COG5: variants seen among roughly 807,000 people sequenced by gnomAD.
COG5 encodes conserved oligomeric Golgi complex subunit 5.
Under a neutral mutation model 110.4 loss-of-function variants are expected in COG5, and 86 were observed. The observed-to-expected ratio is 0.78, with a 90% CI of 0.65 to 0.93. The LOEUF is 0.93. Ranked by LOEUF, COG5 falls within the 40% of genes least tolerant of loss-of-function variation. The pLI is 0.00. For missense variants in COG5, 1,077 were observed against 987.0 expected (o/e 1.09, Z -1.22); for synonymous variants, 360 against 334.6 (o/e 1.08, Z -0.83).
chr7:107,239,140 T>C (rs190778129), intron 17 of COG5, among the ~76,000 whole-genome samples: 4 of 152,234 alleles, frequency 2.6e-5, no homozygotes, highest in Admixed American at 2.6e-4. Context: ...TTTTCACATA[T>C]GGTATGAGAT....
intron 14 of COG5, among the ~76,000 whole-genome samples, chr7:107,272,387 A>C (rs939376170): frequency 2.0e-5 from 3 of 152,116 alleles, no homozygotes; most frequent in Admixed American, 6.5e-5. Context: ...TTCATCTTAC[A>C]TATGTTGATT....
intron 12 of COG5, among the ~76,000 whole-genome samples, chr7:107,291,769 C>T (rs1475452710): frequency 1.3e-5 from 2 of 152,186 alleles, no homozygotes; most frequent in Non-Finnish European, 2.9e-5. Flanking sequence ...GATATCTGCT[C>T]TGATTCCAGG....
intron 1 of COG5, among the ~76,000 whole-genome samples, chr7:107,562,024 G>C (rs1033996469): frequency 1.4e-4 from 21 of 152,156 alleles, no homozygotes; most frequent in Admixed American, 1.3e-4. Flanking sequence ...CTCCACTTCC[G>C]TTGCAATTGA....
chr7:107,523,956 G>A (rs1171835820), intron 6 of COG5, among the ~76,000 whole-genome samples: 1 of 152,012 alleles, frequency 6.6e-6, no homozygotes, highest in African/African-American at 2.4e-5. Flanking sequence ...GAAATGAAAG[G>A]ATATGTTCCT....
At chr7:107,367,664 T>C (rs1360648645) in intron 8 of COG5, among the ~76,000 whole-genome samples, 2 of 152,092 alleles carry the variant, frequency 1.3e-5, no homozygotes, top group Non-Finnish European at 2.9e-5. Context: ...TGGCCATTAT[T>C]CTAAGTGAAG....
intron 3 of COG5, among the ~76,000 whole-genome samples, chr7:107,548,800 A>C (rs1417947003): frequency 6.6e-6 from 1 of 152,248 alleles, no homozygotes; most frequent in Admixed American, 6.5e-5. Flanking sequence ...TCCACAGCTT[A>C]GTCTACAACT....
At chr7:107,440,740 A>G (rs576706400) in intron 6 of COG5, among the ~76,000 whole-genome samples, 18 of 152,260 alleles carry the variant, frequency 1.2e-4, no homozygotes, top group Admixed American at 1.3e-4. Flanking sequence ...CCCTAACCAC[A>G]GGGTTCAGAG....
intron 18 of COG5, among the ~76,000 whole-genome samples, chr7:107,235,186 C>T (rs1801087014): frequency 6.6e-6 from 1 of 152,172 alleles, no homozygotes; most frequent in African/African-American, 2.4e-5. Context: ...TGTGTCAAGT[C>T]TGAGGGAGCA....
At chr7:107,470,975 G>A (rs1014130465) in intron 6 of COG5, among the ~76,000 whole-genome samples, 7 of 151,858 alleles carry the variant, frequency 4.6e-5, no homozygotes, top group Admixed American at 2.6e-4. Context: ...AATTAGGCAA[G>A]TTACAATATT....
chr7:107,322,519 A>AT (rs981649054), intron 11 of COG5, among the ~76,000 whole-genome samples: 15 of 152,330 alleles, frequency 9.8e-5, no homozygotes, highest in Admixed American at 9.8e-4. Flanking sequence ...TAAAACCCCA[A>AT]TAAAAAAAAC....
rs1798503069 is a variant in COG5 at position 107,203,418 on chromosome 7, T to G, written c.*98A>C. The stretch of plus-strand genomic sequence containing the variant: ...AAATACCGAACAATCAATTACATTC[T>G]TAAAATAGTAGATAGTAGCAGTCTT... On this transcript the variant is annotated 3_prime_UTR_variant, in exon 22 of 22. Transcript: ENST00000297135. 2 of 821,418 alleles carry G rather than the reference T, an allele frequency of 2.4e-6. No individual in the cohort carries two copies. Among genetic ancestry groups the G allele is most frequent in the African/African-American group, 1.7e-5 (1 of 59,448 alleles). 50.9% of individuals were successfully genotyped at this position (821,418 alleles called of 1,614,324 possible).
At chr7:107,374,126 T>C (rs1814428597) in intron 7 of COG5, among the ~76,000 whole-genome samples, 1 of 152,134 alleles carries the variant, frequency 6.6e-6, no homozygotes, top group African/African-American at 2.4e-5. Flanking sequence ...TAGAGCTTAA[T>C]TTTATGTTGT....
intron 6 of COG5, among the ~76,000 whole-genome samples, chr7:107,495,982 A>G (rs1234955071): frequency 6.6e-6 from 1 of 150,660 alleles, no homozygotes; most frequent in African/African-American, 2.5e-5. Flanking sequence ...AGGTCTCGCT[A>G]TTCTGCTCAG....
chr7:107,264,390 T>TA (rs1264608576), intron 14 of COG5, among the ~76,000 whole-genome samples: 4 of 151,458 alleles, frequency 2.6e-5, no homozygotes, highest in South Asian at 2.1e-4. Context: ...AAATATATTG[T>TA]AAAAAAATTC....
intron 19 of COG5, among the ~76,000 whole-genome samples, chr7:107,222,258 G>A (rs1376896320): frequency 2.6e-5 from 4 of 151,724 alleles, no homozygotes; most frequent in African/African-American, 9.7e-5. Flanking sequence ...GGAGTGCAAT[G>A]GCATTATCTC....
intron 14 of COG5, among the ~76,000 whole-genome samples, chr7:107,262,369 G>A (rs1420872897): frequency 6.6e-6 from 1 of 152,186 alleles, no homozygotes; most frequent in Non-Finnish European, 1.5e-5. Context: ...TCAGCAGTGA[G>A]TGGTATCTTG....
At position 107,548,096 on chromosome 7, in the gene COG5, A is replaced by G; in HGVS notation, c.417+15T>C. On this transcript the variant is annotated intron_variant, in intron 5 of 21. Coordinates refer to ENST00000297135, the MANE Select transcript of COG5 (RefSeq NM_006348.5). ...ATGAATAATAAAGTATAAAGAAATA[A>G]AAGTAAGAAACTACCTGAAGTCTTG... The G allele has an allele frequency of 6.2e-7, 1 of 1,603,226 alleles. No homozygotes were observed. The highest frequency in any genetic ancestry group is 8.5e-7 in the Non-Finnish European group (1 of 1,170,632).
chr7:107,290,021 C>T (rs1022982128), intron 12 of COG5, among the ~76,000 whole-genome samples: 1 of 152,132 alleles, frequency 6.6e-6, no homozygotes, highest in Non-Finnish European at 1.5e-5. Flanking sequence ...TGTAAATTAA[C>T]AGCTTATCTT....
Position 107,540,412 on chromosome 7 carries a change from T to TA in COG5, c.417+7698dup, listed in dbSNP as rs762861873. Among the ~76,000 whole-genome samples the TA allele has an allele frequency of 1.5e-3, 196 of 126,546 alleles. 1 individual carries two copies. The highest frequency in any genetic ancestry group is 1.6e-3 in the East Asian group (7 of 4,484). The allele number at this position is 126,546 out of a possible 152,430, so 83.0% of individuals were successfully genotyped here. ...CATGGTGAGACTCCCATCTCTACAA[T>TA]AAAAAAAAAAAAAAAATTAGCTGGG... On this transcript the variant is annotated intron_variant, in intron 5 of 21. Transcript: ENST00000297135.
Sources: allele counts gnomAD v4.1 joint callset (sites outside exome capture counted in the v4.1 genomes callset), GRCh38; gene constraint gnomAD v4.1.1; transcripts MANE v1.5; gene names NCBI Gene and HGNC (gene_info 2026-07-23, HGNC 2026-07-21).